MYBPC3: variants seen among roughly 807,000 people sequenced by gnomAD.
The protein encoded by MYBPC3 is myosin binding protein C3.
MYBPC3 carries 108 observed loss-of-function variants against 159.3 expected under a neutral mutation model. The ratio of observed to expected loss-of-function variants is 0.68; its 90% CI spans 0.58 to 0.80. The LOEUF is 0.80. Among genes scored for constraint, MYBPC3 ranks in the 30% least tolerant of loss-of-function variants. MYBPC3 has a pLI of 0.00. For synonymous variants in MYBPC3, 730 were observed against 702.0 expected (o/e 1.04, Z -0.63); for missense variants, 1,631 against 1,762.1 (o/e 0.93, Z 1.33).
chr11:47,334,990 A>C (rs1353698997), intron 27 of MYBPC3, 52 bp downstream of exon 27: 1 of 1,430,804 alleles, frequency 7.0e-7, no homozygotes, highest in Non-Finnish European at 9.2e-7. Flanking sequence ...CTGGACACCA[A>C]GGGCCTGGGG....
chr11:47,348,928 T>TATATATATATATATATATA (rs1424143680), intron 5 of MYBPC3, among the ~76,000 whole-genome samples: 8 of 9,920 alleles, frequency 8.1e-4, no homozygotes, highest in South Asian at 4.7e-3. Flanking sequence ...ATATATATAT[T>TATATATATATATATATATA]TAAAGGAGGC....
rs1347393824 is a variant in MYBPC3 at position 47,331,713 on chromosome 11, G to T, written c.*30C>A. Reference sequence around the variant, plus strand: ...CCTGGCACGGGGCTGGCATCCGGTTGTACCTGCAACACAGGTTATCTTACG... The same window carrying T: ...CCTGGCACGGGGCTGGCATCCGGTTTTACCTGCAACACAGGTTATCTTACG... On this transcript the variant is annotated 3_prime_UTR_variant, in exon 35 of 35. Coordinates refer to ENST00000545968, the MANE Select transcript of MYBPC3 (RefSeq NM_000256.3). The T allele has an allele frequency of 2.1e-6, 2 of 972,974 alleles. No individual in the cohort carries two copies. Among genetic ancestry groups the T allele is most frequent in the Non-Finnish European group, 3.0e-6 (2 of 674,096 alleles). 60.3% of individuals were successfully genotyped at this position (972,974 alleles called of 1,614,324 possible).
chr11:47,340,287 A>ACACAGACACATGCACACACACG (rs2095887246), intron 20 of MYBPC3, among the ~76,000 whole-genome samples: 1 of 151,846 alleles, frequency 6.6e-6, no homozygotes, highest in Non-Finnish European at 1.5e-5. Context: ...GCACACACAC[A>ACACAGACACATGCACACACACG]CACGCGCGCA....
chr11:47,332,313 G>A lies in MYBPC3; in HGVS notation c.3628-55C>T. 2 of 1,581,332 alleles carry A rather than the reference G, an allele frequency of 1.3e-6. No individual in the cohort carries two copies. The highest frequency in any genetic ancestry group is 1.7e-6 in the Non-Finnish European group (2 of 1,151,266). ...GCCATCCAGGCTGAGAGGGGACCTG[G>A]CAGGGACCCAGGGAGACACATCTGT... On this transcript the variant is annotated intron_variant, in intron 32 of 34. Transcript: ENST00000545968. This position sits in a 1 kb window ranked among gnomAD's most constrained non-coding sequence, Gnocchi z 4.2.
rs1213818614 is a variant in MYBPC3 at position 47,342,901 on chromosome 11, G to T, written c.1386C>A (p.Asp462Glu). The T allele has an allele frequency of 1.2e-6, 2 of 1,612,682 alleles. No individual in the cohort carries two copies. The highest frequency in any genetic ancestry group is 1.7e-6 in the Non-Finnish European group (2 of 1,179,310). The change falls in exon 16 of 35, where the codon GAC (aspartate) becomes GAA (glutamate). Residue 462 changes from aspartate to glutamate, a missense_variant. Physicochemically the swap from Asp to Glu is conservative, Grantham distance 45 (BLOSUM62 2). Coordinates refer to ENST00000545968, the MANE Select transcript of MYBPC3 (RefSeq NM_000256.3). ...PPVLITRPLE[D>E]QLVMVGQRVE... ...CCCGCTGCCCCACCATCACCAGCTGGTCCTCCAAGGGGCGCGTGATGAGCA... is the reference window on the plus strand; with the variant it reads ...CCCGCTGCCCCACCATCACCAGCTGTTCCTCCAAGGGGCGCGTGATGAGCA...
In MYBPC3 at chr11:47,337,768, T is replaced by C; in HGVS notation, c.2335A>G (p.Lys779Glu). The C allele has an allele frequency of 6.4e-7, 1 of 1,553,360 alleles. No homozygotes were observed. Among genetic ancestry groups the C allele is most frequent in the Non-Finnish European group, 8.7e-7 (1 of 1,148,298 alleles). Residue 779 changes from lysine (K) to glutamate (E), a missense_variant, in exon 24 of 35, where the codon AAG (lysine) becomes GAG (glutamate). Lys to Glu is a moderately conservative substitution (Grantham distance 56, BLOSUM62 1). Transcript: ENST00000545968. ...IDVPDAPAAPKISNVGEDSCT... is the reference protein window; with the variant it reads ...IDVPDAPAAPEISNVGEDSCT... The stretch of plus-strand genomic sequence containing the variant: ...GAGTCCTCTCCCACGTTGCTGATCT[T>C]GGGGGCCGCAGGTGCGTCTGGCACG...
intron 16 of MYBPC3, 23 bp downstream of exon 16, chr11:47,342,807 T>C (rs750806768): frequency 1.9e-6 from 3 of 1,612,344 alleles, no homozygotes; most frequent in African/African-American, 2.7e-5. Flanking sequence ...CCAACACCCA[T>C]GCCCCGTGCT....
intron 12 of MYBPC3, 93 bp from the exon 13 acceptor site, chr11:47,343,717 C>T (rs2095891611): frequency 1.9e-5 from 24 of 1,257,826 alleles, no homozygotes; most frequent in Admixed American, 2.6e-5. Flanking sequence ...CCCAGGTCCC[C>T]CCCTCCAATC....
intron 29 of MYBPC3, 52 bp downstream of exon 29, chr11:47,333,505 C>T: frequency 6.3e-7 from 1 of 1,593,986 alleles, no homozygotes. Context: ...GCCCCAGCAG[C>T]CCAGCCCAGG....
chr11:47,334,708 A>G (rs1040517056), intron 27 of MYBPC3, among the ~76,000 whole-genome samples: 3 of 152,096 alleles, frequency 2.0e-5, no homozygotes, highest in African/African-American at 7.2e-5. Flanking sequence ...GACTACAGGC[A>G]CGCGCCACCA....
chr11:47,349,651 CCA>C, intron 5 of MYBPC3, 121 bp downstream of exon 5: 1 of 1,373,230 alleles, frequency 7.3e-7, no homozygotes, highest in Non-Finnish European at 9.7e-7. Context: ...CCCAGATTCC[CCA>C]CACCCCTTGC....
At chr11:47,348,971 C>T (rs1404087777) in intron 5 of MYBPC3, among the ~76,000 whole-genome samples, 1 of 126,302 alleles carries the variant, frequency 7.9e-6, no homozygotes, top group African/African-American at 2.9e-5. Context: ...ATCTTCGCAC[C>T]CTCAGGCTTT....
At chr11:47,333,407 C>T (rs1377503201) in intron 29 of MYBPC3, 74 bp from the exon 30 acceptor site, 3 of 1,497,732 alleles carry the variant, frequency 2.0e-6, no homozygotes, top group Non-Finnish European at 8.9e-7. Flanking sequence ...CCAGGGACCA[C>T]CCCACCCCTG....
At chr11:47,339,547 G>T (rs1057460376) in intron 21 of MYBPC3, 104 bp downstream of exon 21, 76 of 1,480,972 alleles carry the variant, frequency 5.1e-5, no homozygotes, top group Non-Finnish European at 6.1e-5. Context: ...GTAGCCAACA[G>T]CAGGGCGTGC....
At position 47,347,499 on chromosome 11, in the gene MYBPC3, G is replaced by T. The variant is rs371941585; in HGVS notation, c.852-20C>A. The T allele has an allele frequency of 3.4e-5, 54 of 1,593,008 alleles. No individual in the cohort carries two copies. The highest frequency in any genetic ancestry group is 4.6e-5 in the Non-Finnish European group (54 of 1,170,002). On this transcript the variant is annotated intron_variant, in intron 8 of 34. Coordinates refer to ENST00000545968, the MANE Select transcript of MYBPC3 (RefSeq NM_000256.3). ...CTATCACTATGGAGAGGGACCCCCA[G>T]TGAGGCTGCAGTGAGGGACTGGAAA...
In MYBPC3 at chr11:47,346,996, C is replaced by T. The variant is rs775217100; in HGVS notation, c.908+31G>A. 36 of 775,088 alleles carry T rather than the reference C, an allele frequency of 4.6e-5. No individual in the cohort carries two copies. The highest frequency in any genetic ancestry group is 2.2e-4 in the Middle Eastern group (1 of 4,464). 48.0% of individuals were successfully genotyped at this position (775,088 alleles called of 1,614,324 possible). ...CCCTCTGCACCCACCAGCGCCCTGC[C>T]GCCCCCAAACACCCAGACCCCGATT... On this transcript the variant is annotated intron_variant, in intron 10 of 34. Coordinates refer to ENST00000545968, the MANE Select transcript of MYBPC3 (RefSeq NM_000256.3). This position sits in a 1 kb window ranked among gnomAD's most constrained non-coding sequence, Gnocchi z 5.3.
chr11:47,332,748 G>T lies in MYBPC3; in HGVS notation c.3491-46C>A, dbSNP rs1403833843. ...TACCGAGAGGGCCACACAAAGCTAG[G>T]CCCCTCTCCCTGTTCCCACAGCCTC... is the stretch of plus-strand genomic sequence containing the variant. On this transcript the variant is annotated intron_variant, in intron 31 of 34. Transcript: ENST00000545968. This position sits in a 1 kb window ranked among gnomAD's most constrained non-coding sequence, Gnocchi z 4.2. The T allele has an allele frequency of 2.5e-6, 4 of 1,585,778 alleles. No individual in the cohort carries two copies. In the African/African-American group the frequency reaches 5.4e-5, roughly 21 times the overall value.
chr11:47,344,065 AG>A (rs2095891975), intron 12 of MYBPC3, among the ~76,000 whole-genome samples: 1 of 152,244 alleles, frequency 6.6e-6, no homozygotes, highest in Non-Finnish European at 1.5e-5. Context: ...CTGGGATTAC[AG>A]GCATGGTGTC....
At chr11:47,334,652 C>T (rs2095880525) in intron 27 of MYBPC3, among the ~76,000 whole-genome samples, 2 of 152,116 alleles carry the variant, frequency 1.3e-5, no homozygotes, top group African/African-American at 4.8e-5. Context: ...CTGCCACCTC[C>T]CGGGTCCAAG....
Sources: allele counts gnomAD v4.1 joint callset (sites outside exome capture counted in the v4.1 genomes callset), GRCh38; gene constraint gnomAD v4.1.1; non-coding constraint Gnocchi (gnomAD v3.1); transcripts MANE v1.5; gene names NCBI Gene and HGNC (gene_info 2026-07-23, HGNC 2026-07-21).